CHL1: variants seen among roughly 807,000 people sequenced by gnomAD.
CHL1 encodes the protein neural cell adhesion molecule L1-like protein.
Under a neutral mutation model 141.9 loss-of-function variants are expected in CHL1, and 96 were observed. The observed-to-expected ratio is 0.68, with a 90% CI of 0.57 to 0.80. The LOEUF (loss-of-function observed/expected upper bound fraction) is 0.80, where lower values mean the gene tolerates loss of function less well. CHL1 is among the 30% of genes least tolerant of loss of function. The pLI, the probability that CHL1 is intolerant of heterozygous loss-of-function variation, is 0.00. For synonymous variants in CHL1, 613 were observed against 502.2 expected, an observed-to-expected ratio of 1.22 and a Z score of -2.95; for missense variants, 1,820 against 1,457.2, an observed-to-expected ratio of 1.25 and a Z score of -4.05.
chr3:360,142 C>A, intron 11 of CHL1, 142 bp from the exon 12 acceptor site: 3 of 806,074 alleles, frequency 3.7e-6, no homozygotes, highest in South Asian at 4.1e-5. Context: ...GTTCAGAAAA[C>A]CTAAAGAATT....
At chr3:382,692 G>C in intron 18 of CHL1, 21 bp downstream of exon 18, 2 of 1,603,546 alleles carry the variant, frequency 1.2e-6, no homozygotes, top group African/African-American at 2.7e-5. Flanking sequence ...TCTCACATCA[G>C]GTTTCTAACA....
chr3:352,607 G>C (rs944143081), intron 10 of CHL1, among the ~76,000 whole-genome samples: 2 of 152,012 alleles, frequency 1.3e-5, no homozygotes, highest in Non-Finnish European at 2.9e-5. Context: ...AGAATTTTTG[G>C]TTTTAAGGCT....
intron 1 of CHL1, among the ~76,000 whole-genome samples, chr3:198,782 G>A (rs931430431): frequency 6.6e-6 from 1 of 152,038 alleles, no homozygotes; most frequent in South Asian, 2.1e-4. Context: ...AAAATTCTGC[G>A]TTTTCTAATT....
At chr3:338,681 T>C (rs1398795094) in intron 5 of CHL1, among the ~76,000 whole-genome samples, 1 of 152,232 alleles carries the variant, frequency 6.6e-6, no homozygotes, top group Non-Finnish European at 1.5e-5. Flanking sequence ...TTTTCCAATA[T>C]TCATTTTGTA....
At chr3:370,170 T>A (rs1010315123) in intron 15 of CHL1, among the ~76,000 whole-genome samples, 2 of 152,202 alleles carry the variant, frequency 1.3e-5, no homozygotes, top group Admixed American at 6.5e-5. Context: ...TTAGAAGGAA[T>A]GGTATCAGCT....
chr3:247,395 T>C (rs369792526), intron 2 of CHL1: 1 of 152,112 alleles, frequency 6.6e-6, no homozygotes, highest in Non-Finnish European at 1.5e-5. Context: ...AAATTAATTC[T>C]CTACACATTG....
chr3:394,571 G>A, intron 23 of CHL1, 122 bp from the exon 24 acceptor site: 1 of 696,016 alleles, frequency 1.4e-6, no homozygotes, highest in Non-Finnish European at 2.4e-6. Context: ...TAAATGAGTT[G>A]ATGGTTATGA....
chr3:393,442 C>G (rs1708411450), intron 23 of CHL1, among the ~76,000 whole-genome samples: 1 of 151,846 alleles, frequency 6.6e-6, no homozygotes, highest in Non-Finnish European at 1.5e-5. Flanking sequence ...AATTAAATTC[C>G]CACCTTCATA....
rs1709721890 is a variant in CHL1 at position 409,326 on chromosome 3, T to A, written c.*3615T>A. 1.3e-5 allele frequency: 2 copies of A among 152,100 alleles called. No homozygotes were observed. Among genetic ancestry groups the A allele is most frequent in the African/African-American group, 4.8e-5 (2 of 41,422 alleles). The allele number at this position is 152,100 out of a possible 1,614,324, so 9.4% of individuals were successfully genotyped here. A position where few individuals can be genotyped will look rare whatever the true frequency, so the allele number is the denominator to read the frequency against. ...TTTGTATTGTAGGTGGTGTTTGTAT[T>A]ATGCTTATGACTATGTATGGTTTGA... On this transcript the variant is annotated 3_prime_UTR_variant, in exon 28 of 28. Transcript: ENST00000256509.
At chr3:249,145 C>A (rs1693449076) in intron 2 of CHL1, among the ~76,000 whole-genome samples, 1 of 152,170 alleles carries the variant, frequency 6.6e-6, no homozygotes. Flanking sequence ...TATTTGAGGT[C>A]TTGGAAAGGA....
intron 15 of CHL1, among the ~76,000 whole-genome samples, chr3:375,524 T>C (rs3821619): frequency 0.35 from 52,992 of 151,132 alleles, 9,490 homozygotes; most frequent in South Asian, 0.44. Flanking sequence ...GGTCTCTTTC[T>C]AACAAATTAG....
chr3:336,701 T>C (rs1701893279), intron 5 of CHL1, among the ~76,000 whole-genome samples: 1 of 152,258 alleles, frequency 6.6e-6, no homozygotes, highest in African/African-American at 2.4e-5. Flanking sequence ...ATCCTATAGA[T>C]ATAAATTCTG....
chr3:252,158 A>G (rs1363421776), intron 2 of CHL1, among the ~76,000 whole-genome samples: 1 of 151,702 alleles, frequency 6.6e-6, no homozygotes, highest in Non-Finnish European at 1.5e-5. Flanking sequence ...ACATTTCTAA[A>G]TCTAGAAAAG....
intron 1 of CHL1, among the ~76,000 whole-genome samples, chr3:219,104 A>G (rs565949306): frequency 7.9e-5 from 12 of 151,960 alleles, no homozygotes; most frequent in East Asian, 3.9e-4. Flanking sequence ...AGCCGAGATC[A>G]TGCCACTGCA....
chr3:383,279 A>T (rs184285049), intron 18 of CHL1, among the ~76,000 whole-genome samples: 109 of 152,310 alleles, frequency 7.2e-4, no homozygotes, highest in Non-Finnish European at 1.3e-3. Context: ...CAACCTTTGC[A>T]CTAAACTCCA....
Position 328,240 on chromosome 3 carries a change from A to G in CHL1, c.271A>G (p.Thr91Ala), listed in dbSNP as rs1230939104. The change falls in exon 5 of 28, where the codon ACA becomes GCA. Residue 91 changes from threonine to alanine, a missense_variant. By Grantham distance (58) the Thr-to-Ala change is moderately conservative. Coordinates refer to ENST00000256509, the MANE Select transcript of CHL1 (RefSeq NM_006614.4). ...HRIIPSNNSGTFRIPNEGHIS... is the reference protein window; with the variant it reads ...HRIIPSNNSGAFRIPNEGHIS... ...GATAATTCCATCGAACAATTCAGGA[A>G]CATTCAGGATCCCAAACGAGGGGCA... is the stretch of plus-strand genomic sequence containing the variant. 1.2e-6 allele frequency: 2 copies of G among 1,613,136 alleles called. No individual in the cohort carries two copies. Among genetic ancestry groups the G allele is most frequent in the Non-Finnish European group, 8.5e-7 (1 of 1,179,318 alleles).
intron 2 of CHL1, among the ~76,000 whole-genome samples, chr3:273,723 A>G (rs1158831480): frequency 6.6e-6 from 1 of 152,156 alleles, no homozygotes; most frequent in Non-Finnish European, 1.5e-5. Context: ...TCTCTTATGA[A>G]TGCTTCTTAT....
intron 2 of CHL1, among the ~76,000 whole-genome samples, chr3:283,967 T>C (rs1006462015): frequency 6.6e-6 from 1 of 152,202 alleles, no homozygotes; most frequent in African/African-American, 2.4e-5. Flanking sequence ...CATTTACATA[T>C]GTATTTTCCA....
chr3:247,570 A>C (rs2125123100), intron 2 of CHL1: 1 of 152,174 alleles, frequency 6.6e-6, no homozygotes, highest in Non-Finnish European at 1.5e-5. Flanking sequence ...TTCCTGATAG[A>C]TCACTTTCTG....
Sources: gnomAD v4.1 joint callset for allele counts (sites outside exome capture counted in the v4.1 genomes callset) on GRCh38, gnomAD v4.1.1 for gene constraint, MANE v1.5 for transcripts, NCBI Gene and HGNC (gene_info 2026-07-23, HGNC 2026-07-21) for gene names.